The following GNAQ variants were observed in gnomAD, a reference collection of about 807,000 sequenced individuals.
The protein encoded by GNAQ is guanine nucleotide-binding protein G(q) subunit alpha.
In GNAQ, 8 loss-of-function variants were observed where a neutral mutation model predicts 43.9. That is an observed-to-expected ratio of 0.18 (90% CI 0.11 to 0.33). The LOEUF (loss-of-function observed/expected upper bound fraction) is 0.33. Ranked by LOEUF, GNAQ falls within the 10% of genes least tolerant of loss-of-function variation. GNAQ has a pLI of 1.00. For missense variants in GNAQ, 158 were observed against 450.8 expected (o/e 0.35, Z 5.88); for synonymous variants, 155 against 170.7 (o/e 0.91, Z 0.71).
chr9:77,892,287 G>A (rs1828419002), intron 2 of GNAQ, among the ~76,000 whole-genome samples: 1 of 152,140 alleles, frequency 6.6e-6, no homozygotes, highest in African/African-American at 2.4e-5. Context: ...CTCCTCTGCA[G>A]CTCTTCCCCT....
chr9:77,742,011 T>A (rs755268972), intron 5 of GNAQ, among the ~76,000 whole-genome samples: 1 of 152,230 alleles, frequency 6.6e-6, no homozygotes, highest in African/African-American at 2.4e-5. Context: ...TAGACTTCAG[T>A]GATTTATTTT....
chr9:77,882,093 G>A (rs544936447), intron 2 of GNAQ, among the ~76,000 whole-genome samples: 14 of 152,190 alleles, frequency 9.2e-5, no homozygotes, highest in South Asian at 4.2e-4. Flanking sequence ...AGCTGAGATC[G>A]AGCCACTGCA....
intron 1 of GNAQ, among the ~76,000 whole-genome samples, chr9:77,944,553 T>C (rs1445228470): frequency 1.3e-5 from 2 of 151,878 alleles, no homozygotes; most frequent in Admixed American, 6.6e-5. Context: ...CAGTAGAAAA[T>C]ATGTTTGGGA....
chr9:77,938,326 C>CTTTCTCTA (rs1402620227), intron 1 of GNAQ, among the ~76,000 whole-genome samples: 3 of 150,684 alleles, frequency 2.0e-5, no homozygotes, highest in African/African-American at 4.8e-5. Context: ...CCGCTTTGTT[C>CTTTCTCTA]TTTCTCTATG....
At chr9:77,792,314 A>G (rs1465822180) in intron 5 of GNAQ, among the ~76,000 whole-genome samples, 1 of 152,252 alleles carries the variant, frequency 6.6e-6, no homozygotes, top group East Asian at 1.9e-4. Context: ...ATTTGTAATT[A>G]TTTAAAAGTA....
chr9:77,956,940 T>C (rs1030477662), intron 1 of GNAQ, among the ~76,000 whole-genome samples: 1 of 152,196 alleles, frequency 6.6e-6, no homozygotes, highest in Admixed American at 6.5e-5. Context: ...TAGGTGATCC[T>C]GATGGACAAG....
intron 1 of GNAQ, among the ~76,000 whole-genome samples, chr9:77,974,605 G>A (rs1359312591): frequency 3.3e-5 from 5 of 152,168 alleles, no homozygotes; most frequent in South Asian, 2.1e-4. Flanking sequence ...ACATCTTGGA[G>A]GTCAGAGGGG....
chr9:77,923,416 G>GGTTT (rs1295409076), intron 1 of GNAQ, among the ~76,000 whole-genome samples: 1 of 152,016 alleles, frequency 6.6e-6, no homozygotes, highest in Non-Finnish European at 1.5e-5. Flanking sequence ...TAAGCCTGAA[G>GGTTT]GTAACCCCTA....
intron 5 of GNAQ, among the ~76,000 whole-genome samples, chr9:77,774,979 G>T (rs575640270): frequency 1.3e-5 from 2 of 152,216 alleles, no homozygotes; most frequent in Non-Finnish European, 2.9e-5. Flanking sequence ...AGGCATATAT[G>T]TATGCACCTA....
chr9:77,889,410 C>CAAAAAAAAAAAAAAAAAAAAAAAAAAA (rs58496646), intron 2 of GNAQ, among the ~76,000 whole-genome samples: 3 of 48,064 alleles, frequency 6.2e-5, no homozygotes, highest in South Asian at 1.3e-3. Context: ...GACCCTGTCT[C>CAAAAAAAAAAAAAAAAAAAAAAAAAAA]AAAAAAAAAA....
chr9:77,752,203 G>A (rs1587898076), intron 5 of GNAQ, among the ~76,000 whole-genome samples: 1 of 152,204 alleles, frequency 6.6e-6, no homozygotes, highest in East Asian at 1.9e-4. Context: ...GGTGTAGAGA[G>A]GTCTCTAGGC....
At chr9:77,725,579 TAAAAAAAAAA>T (rs55766160) in intron 6 of GNAQ, among the ~76,000 whole-genome samples, 2 of 57,142 alleles carry the variant, frequency 3.5e-5, no homozygotes, top group African/African-American at 7.0e-5. Flanking sequence ...AAGGTAACAG[TAAAAAAAAAA>T]AAAAAAAAAA....
At chr9:77,860,682 G>A (rs186406456) in intron 2 of GNAQ, among the ~76,000 whole-genome samples, 140 of 152,254 alleles carry the variant, frequency 9.2e-4, no homozygotes, top group African/African-American at 2.6e-3. Flanking sequence ...TAGTTCGCCC[G>A]CAGCTCACTG....
intron 2 of GNAQ, among the ~76,000 whole-genome samples, chr9:77,880,910 A>G (rs1828197651): frequency 6.6e-6 from 1 of 152,156 alleles, no homozygotes; most frequent in African/African-American, 2.4e-5. Flanking sequence ...CGAGCGAAGT[A>G]GGAACTGGGA....
intron 5 of GNAQ, among the ~76,000 whole-genome samples, chr9:77,772,853 GA>G (rs1258366360): frequency 6.6e-6 from 1 of 152,178 alleles, no homozygotes; most frequent in Non-Finnish European, 1.5e-5. Flanking sequence ...GGAAGAGAAG[GA>G]ACTGTCTTGG....
intron 2 of GNAQ, among the ~76,000 whole-genome samples, chr9:77,906,396 G>A (rs546763019): frequency 1.3e-4 from 20 of 152,270 alleles, no homozygotes; most frequent in South Asian, 6.2e-4. Context: ...ATGCCACACA[G>A]TAATCTGGTA....
At chr9:77,915,906 T>C (rs72736598) in intron 2 of GNAQ, among the ~76,000 whole-genome samples, 4,286 of 152,326 alleles carry the variant, frequency 0.028, 79 homozygotes, top group Middle Eastern at 0.068. Context: ...AACACCATCA[T>C]TCCCCTTCTT....
intron 1 of GNAQ, among the ~76,000 whole-genome samples, chr9:77,988,911 G>A (rs1455282319): frequency 1.3e-5 from 2 of 152,190 alleles, no homozygotes; most frequent in African/African-American, 2.4e-5. Flanking sequence ...AAGGATGGCA[G>A]TAACTCCTAA....
At chr9:77,779,699 A>G (rs1409569008) in intron 5 of GNAQ, among the ~76,000 whole-genome samples, 1 of 150,010 alleles carries the variant, frequency 6.7e-6, no homozygotes, top group African/African-American at 2.4e-5. Context: ...AAAAAAAAAA[A>G]AAGAGAAGGC....
Sources: allele counts gnomAD v4.1 joint callset (sites outside exome capture counted in the v4.1 genomes callset), GRCh38; gene constraint gnomAD v4.1.1; transcripts MANE v1.5; gene names NCBI Gene and HGNC (gene_info 2026-07-23, HGNC 2026-07-21).